The following RANBP2 variants were observed in gnomAD, a reference collection of about 807,000 sequenced individuals.
RANBP2 encodes RAN binding protein 2.
Under a neutral mutation model 303.6 loss-of-function variants are expected in RANBP2, and 57 were observed. The observed-to-expected ratio is 0.19, with a 90% CI of 0.15 to 0.23. RANBP2 has a LOEUF of 0.23. RANBP2 is among the 10% of genes least tolerant of loss of function. The pLI, the probability that RANBP2 is intolerant of heterozygous loss-of-function variation, is 1.00. For missense variants in RANBP2, 3,138 were observed against 3,780.8 expected (o/e 0.83, Z 4.46); for synonymous variants, 1,167 against 1,301.5 (o/e 0.90, Z 2.23).
chr2:109,492,186 G>A, the RANBP2 span, among the ~76,000 whole-genome samples: 18 of 152,238 alleles, frequency 1.2e-4, no homozygotes, highest in Admixed American at 5.9e-4. Flanking sequence ...TTTAAATTTC[G>A]TACAATTTTC....
the RANBP2 span, among the ~76,000 whole-genome samples, chr2:109,386,814 C>A: frequency 6.6e-6 from 1 of 152,158 alleles, no homozygotes; most frequent in Non-Finnish European, 1.5e-5. Flanking sequence ...TAAAAAATGA[C>A]TGCATTCTCA....
chr2:109,098,739 T>C, the RANBP2 span, among the ~76,000 whole-genome samples: 2 of 152,214 alleles, frequency 1.3e-5, no homozygotes, highest in Non-Finnish European at 2.9e-5. Context: ...CTGTTAGCAA[T>C]GCATCATGTA....
At chr2:109,691,482 T>C in the RANBP2 span, among the ~76,000 whole-genome samples, 1 of 152,038 alleles carries the variant, frequency 6.6e-6, no homozygotes, top group Non-Finnish European at 1.5e-5. Flanking sequence ...AAGCAGGAAC[T>C]CCCAGGACTA....
the RANBP2 span, among the ~76,000 whole-genome samples, chr2:109,672,504 A>G: frequency 6.6e-6 from 1 of 152,238 alleles, no homozygotes; most frequent in Non-Finnish European, 1.5e-5. Context: ...CAAGGTTAAT[A>G]ACCAAAAACA....
chr2:109,761,358 A>G, the RANBP2 span, among the ~76,000 whole-genome samples: 1 of 150,730 alleles, frequency 6.6e-6, no homozygotes, highest in African/African-American at 2.4e-5. Flanking sequence ...GCCTTAGCCC[A>G]GGGAGACTCC....
chr2:109,640,669 C>T, the RANBP2 span, among the ~76,000 whole-genome samples: 9 of 152,116 alleles, frequency 5.9e-5, no homozygotes, highest in Non-Finnish European at 1.3e-4. Context: ...CGGACAGTGC[C>T]TTCCAACTGC....
chr2:109,123,848 G>A, the RANBP2 span, among the ~76,000 whole-genome samples: 1 of 152,158 alleles, frequency 6.6e-6, no homozygotes, highest in African/African-American at 2.4e-5. Context: ...AGTGCTTCAA[G>A]GGAAGGGCTA....
chr2:109,719,007 TAAAAAAA>T, the RANBP2 span, among the ~76,000 whole-genome samples: 2 of 22,608 alleles, frequency 8.8e-5, no homozygotes, highest in African/African-American at 1.6e-4. Context: ...AGACTCCATC[TAAAAAAA>T]AAAAAAAAAA....
chr2:109,339,224 G>A, the RANBP2 span, among the ~76,000 whole-genome samples: 7 of 142,462 alleles, frequency 4.9e-5, no homozygotes, highest in African/African-American at 1.8e-4. Flanking sequence ...AAAAATCCAC[G>A]TATAAGTAGA....
chr2:109,553,269 G>A, the RANBP2 span: 38 of 1,599,456 alleles, frequency 2.4e-5, no homozygotes, highest in Non-Finnish European at 3.1e-5. Context: ...TATAGGTCGG[G>A]TATGGCGGCT....
At chr2:108,848,240 T>C in the RANBP2 span, among the ~76,000 whole-genome samples, 1 of 152,262 alleles carries the variant, frequency 6.6e-6, no homozygotes, top group South Asian at 2.1e-4. Context: ...TCTGATAATA[T>C]GCTAAGAAAA....
At chr2:109,686,017 G>A in the RANBP2 span, among the ~76,000 whole-genome samples, 3 of 152,210 alleles carry the variant, frequency 2.0e-5, no homozygotes, top group Admixed American at 2.0e-4. Flanking sequence ...AGAGGGGCTT[G>A]TAGTTAATTT....
At chr2:109,705,107 AAATAAAT>A in the RANBP2 span, among the ~76,000 whole-genome samples, 15 of 151,222 alleles carry the variant, frequency 9.9e-5, no homozygotes, top group East Asian at 2.0e-4. Flanking sequence ...ATAAATAAAT[AAATAAAT>A]AAAAATGGGG....
At chr2:109,119,569 A>G in the RANBP2 span, among the ~76,000 whole-genome samples, 2 of 152,236 alleles carry the variant, frequency 1.3e-5, no homozygotes, top group African/African-American at 4.8e-5. Context: ...TGTAATTTAA[A>G]TAAGGGATTT....
At chr2:108,951,719 G>T in the RANBP2 span, among the ~76,000 whole-genome samples, 148 of 152,014 alleles carry the variant, frequency 9.7e-4, no homozygotes, top group African/African-American at 3.4e-3. Flanking sequence ...CATTCTAAAG[G>T]TTCTTCCATT....
the RANBP2 span, among the ~76,000 whole-genome samples, chr2:109,731,084 G>A: frequency 4.6e-5 from 7 of 152,140 alleles, no homozygotes; most frequent in South Asian, 2.1e-4. Context: ...CACCGCGCCC[G>A]GCCAAGGGGC....
chr2:109,557,123 A>C, the RANBP2 span, among the ~76,000 whole-genome samples: 1 of 152,186 alleles, frequency 6.6e-6, no homozygotes, highest in Non-Finnish European at 1.5e-5. Context: ...ATATATATGT[A>C]ACAAACCAGC....
Position 108,765,233 on chromosome 2 carries a change from C to A in RANBP2, c.4694C>A (p.Ala1565Asp). The A allele has an allele frequency of 6.2e-7, 1 of 1,614,030 alleles. No individual in the cohort carries two copies. Among genetic ancestry groups the A allele is most frequent in the South Asian group, 1.1e-5 (1 of 91,078 alleles). Residue 1565 changes from alanine to aspartate, a missense_variant, in exon 20 of 29, where the codon GCT becomes GAT. By Grantham distance (126) the Ala-to-Asp change is moderately radical. This residue lies in a region of RANBP2 where 388 missense variants were observed against 328.5 expected (regional missense o/e 1.18). Coordinates refer to ENST00000283195, the MANE Select transcript of RANBP2 (RefSeq NM_006267.5). ...GAAGCAAATGCTACAAGATGTGTTG[C>A]TTGTCAGAATCCGGATAAACCAAGT... ...RNEANATRCV[A>D]CQNPDKPSPS...
the RANBP2 span, among the ~76,000 whole-genome samples, chr2:109,353,465 C>T: frequency 1.4e-4 from 22 of 152,320 alleles, no homozygotes; most frequent in African/African-American, 4.3e-4. Context: ...CACGTGACAC[C>T]GCCTGCCTGA....
Sources: allele counts gnomAD v4.1 joint callset (sites outside exome capture counted in the v4.1 genomes callset), GRCh38; gene constraint gnomAD v4.1.1; regional missense constraint gnomAD v4.1.1; transcripts MANE v1.5; gene names NCBI Gene and HGNC (gene_info 2026-07-23, HGNC 2026-07-21).